The following ZKSCAN2 variants were observed in gnomAD, a reference collection of about 807,000 sequenced individuals.
ZKSCAN2 encodes zinc finger with KRAB and SCAN domains 2.
Under a neutral mutation model 90.5 loss-of-function variants are expected in ZKSCAN2, and 38 were observed. That is an observed-to-expected ratio of 0.42 (90% CI 0.32 to 0.55). The LOEUF (loss-of-function observed/expected upper bound fraction) is 0.55. Among genes scored for constraint, ZKSCAN2 ranks in the 20% least tolerant of loss-of-function variants. The pLI, the probability that ZKSCAN2 is intolerant of heterozygous loss-of-function variation, is 0.11. For missense variants in ZKSCAN2, 1,167 were observed against 1,202.6 expected, an observed-to-expected ratio of 0.97 and a Z score of 0.44; for synonymous variants, 429 against 421.6, an observed-to-expected ratio of 1.02 and a Z score of -0.22.
intron 1 of ZKSCAN2, among the ~76,000 whole-genome samples, chr16:25,256,474 A>C (rs1963103862): frequency 6.6e-6 from 1 of 152,168 alleles, no homozygotes; most frequent in Admixed American, 6.5e-5. Context: ...ATGACGATAA[A>C]TGCTTAGGTG....
In ZKSCAN2 at chr16:25,252,910, T is replaced by G. The variant is rs764342872; in HGVS notation, c.678+36A>C. Reference sequence around the variant, plus strand: ...TCCACCGTGGGTGACAGAGTGAGACTCCATCTCAAAGAAAAAAAAGACAAT... The same window carrying G: ...TCCACCGTGGGTGACAGAGTGAGACGCCATCTCAAAGAAAAAAAAGACAAT... On this transcript the variant is annotated intron_variant, in intron 3 of 6. Coordinates refer to ENST00000328086, the MANE Select transcript of ZKSCAN2 (RefSeq NM_001012981.5). 3.3e-6 allele frequency: 5 copies of G among 1,501,646 alleles called. No homozygotes were observed. In the Admixed American group the frequency reaches 8.4e-5, roughly 25 times the overall value. 93.0% of individuals were successfully genotyped at this position (1,501,646 alleles called of 1,614,324 possible).
chr16:25,244,468 G>C (rs1053726038), intron 5 of ZKSCAN2, among the ~76,000 whole-genome samples, 192 bp from the exon 6 acceptor site: 7 of 152,110 alleles, frequency 4.6e-5, no homozygotes, highest in Non-Finnish European at 7.4e-5. Context: ...CATAAAACTA[G>C]AAAAAATGAC....
intron 4 of ZKSCAN2, among the ~76,000 whole-genome samples, chr16:25,250,756 T>TAC (rs1410034525): frequency 6.6e-6 from 1 of 152,172 alleles, no homozygotes; most frequent in African/African-American, 2.4e-5. Flanking sequence ...TGCATATATA[T>TAC]ACATATATGT....
chr16:25,256,831 C>T lies in ZKSCAN2; in HGVS notation c.297G>A (p.Glu99=). 2 of 1,614,192 alleles carry T rather than the reference C, an allele frequency of 1.2e-6. No homozygotes were observed. The highest frequency in any genetic ancestry group is 1.7e-6 in the Non-Finnish European group (2 of 1,180,052). ...GCTTCTGTGCCCAAGCCTGAATCTT[C>T]TCGGGTAAAATGGTGAGAAACTGCT... is the stretch of plus-strand genomic sequence containing the variant. ...VIEQFLTILP[E]KIQAWAQKQC... is the part of the protein sequence containing the mutation. Residue 99 remains glutamate, a synonymous_variant, in exon 1 of 7, where the codon GAG becomes GAA. Coordinates refer to ENST00000328086, the MANE Select transcript of ZKSCAN2 (RefSeq NM_001012981.5).
rs193155132 is a variant in ZKSCAN2, at chr16:25,237,015, T to C, written c.*2801A>G. On this transcript the variant is annotated 3_prime_UTR_variant, in exon 7 of 7. Transcript: ENST00000328086. Reference sequence around the variant, plus strand: ...CAGAACAAAGAGAGAAAAAGCAGCTTAAGTTACAAAAATCACAGTGTTTGT... The same window carrying C: ...CAGAACAAAGAGAGAAAAAGCAGCTCAAGTTACAAAAATCACAGTGTTTGT... 55 of 152,618 alleles carry C rather than the reference T, an allele frequency of 3.6e-4. 1 individual carries two copies. The highest frequency in any genetic ancestry group is 1.3e-3 in the African/African-American group (54 of 41,488). 9.5% of individuals were successfully genotyped at this position (152,618 alleles called of 1,614,324 possible).
chr16:25,250,325 A>G (rs1406522749), intron 4 of ZKSCAN2, among the ~76,000 whole-genome samples: 5 of 152,062 alleles, frequency 3.3e-5, no homozygotes, highest in Non-Finnish European at 5.9e-5. Context: ...AAAGAAGGAA[A>G]TCCTGCCATT....
rs1165751876 is a variant in ZKSCAN2, at chr16:25,246,981, T to C, written c.1215A>G (p.Arg405=). ...CTAGCATGTGGCCATTTCTCACCTT[T>C]CGATAGCTTTTCTGGAGACTTTTGA... The part of the protein sequence containing the change: ...TKFKSLQKSY[R]KVRNGHMLEP... Residue 405 remains arginine, a synonymous_variant, in exon 5 of 7, where the codon CGA becomes CGG. Transcript: ENST00000328086. 1 of 1,614,068 alleles carries C rather than the reference T, an allele frequency of 6.2e-7. No individual in the cohort carries two copies.
At chr16:25,251,688 T>C (rs913641467) in intron 4 of ZKSCAN2, among the ~76,000 whole-genome samples, 3 of 152,230 alleles carry the variant, frequency 2.0e-5, no homozygotes, top group African/African-American at 7.2e-5. Context: ...GATAGTCATA[T>C]GTAACTCCTC....
At chr16:25,252,154 A>G in intron 3 of ZKSCAN2, 119 bp from the exon 4 acceptor site, 1 of 1,146,872 alleles carries the variant, frequency 8.7e-7, no homozygotes, top group Non-Finnish European at 1.2e-6. Flanking sequence ...ACAAGTGGAT[A>G]GTTTGCGCCA....
intron 4 of ZKSCAN2, among the ~76,000 whole-genome samples, chr16:25,250,684 T>C (rs1190810768): frequency 1.3e-5 from 2 of 152,200 alleles, no homozygotes; most frequent in African/African-American, 4.8e-5. Context: ...TATTTTACAA[T>C]GTATATGTAC....
At chr16:25,250,245 G>A (rs909389743) in intron 4 of ZKSCAN2, among the ~76,000 whole-genome samples, 4 of 152,088 alleles carry the variant, frequency 2.6e-5, no homozygotes, top group African/African-American at 9.7e-5. Flanking sequence ...GGAGGCAGAG[G>A]TTGCAGCGAG....
chr16:25,240,323 G>A lies in ZKSCAN2; in HGVS notation c.2397C>T (p.Gly799=), dbSNP rs76611383. The A allele has an allele frequency of 3.5e-4, 560 of 1,613,948 alleles. 3 individuals carry two copies. The East Asian group carries it at 8.6e-3, about 25-fold the overall frequency. ...SLIRHQRIHT[G]EKPFKCLDCG... is the part of the protein sequence containing the mutation. ...AGTCAAGACATTTAAAAGGTTTTTC[G>A]CCTGTGTGGATTCTTTGGTGTCTGA... The change falls in exon 7 of 7, where the codon GGC becomes GGT. Residue 799 remains glycine, a synonymous_variant. Transcript: ENST00000328086.
intron 1 of ZKSCAN2, among the ~76,000 whole-genome samples, chr16:25,256,393 G>A (rs544258207): frequency 7.3e-5 from 11 of 150,648 alleles, no homozygotes; most frequent in Middle Eastern, 3.4e-3. Flanking sequence ...ATCAAAATGC[G>A]TAAGTGAACC....
Position 25,257,415 on chromosome 16 carries a change from G to C in ZKSCAN2, c.-288C>G. The C allele has an allele frequency of 1.8e-6, 2 of 1,130,756 alleles. No individual in the cohort carries two copies. The allele number at this position is 1,130,756 out of a possible 1,614,324, so 70.0% of individuals were successfully genotyped here. ...CCCTCTTAGTGCAAAGTCGGAAACC[G>C]GGAGGCTGGACGACTGGGAGAAAAA... On this transcript the variant is annotated 5_prime_UTR_variant, in exon 1 of 7. Coordinates refer to ENST00000328086, the MANE Select transcript of ZKSCAN2 (RefSeq NM_001012981.5).
chr16:25,244,098 G>C lies in ZKSCAN2; in HGVS notation c.1668C>G (p.Ser556Arg). 3 of 1,614,174 alleles carry C rather than the reference G, an allele frequency of 1.9e-6. No homozygotes were observed. Among genetic ancestry groups the C allele is most frequent in the Non-Finnish European group, 2.5e-6 (3 of 1,180,038 alleles). The change falls in exon 6 of 7, where the codon AGC (serine) becomes AGG (arginine). Residue 556 changes from serine (S) to arginine (R), a missense_variant. Ser to Arg is a moderately radical substitution (Grantham distance 110). Transcript: ENST00000328086. The part of the protein sequence containing the change: ...TPEQCRTKFK[S>R]LQKSYRKVKN... ...TCACCTTGCGGTAACTCTTCTGAAG[G>C]CTTTTGAACTTGGTTCGGCACTGTT...
chr16:25,247,951 G>A (rs1031159056), intron 4 of ZKSCAN2, among the ~76,000 whole-genome samples: 1 of 152,142 alleles, frequency 6.6e-6, no homozygotes, highest in Non-Finnish European at 1.5e-5. Context: ...GTCCACACAT[G>A]TATAGCTAAA....
chr16:25,240,341 G>C lies in ZKSCAN2; in HGVS notation c.2379C>G (p.His793Gln). ...CFGRSRSLIR[H>Q]QRIHTGEKPF... ...GTTTTTCGCCTGTGTGGATTCTTTG[G>C]TGTCTGATCAGGCTCCTGCTTCTAC... The change falls in exon 7 of 7, where the codon CAC becomes CAG. Residue 793 changes from histidine (H) to glutamine (Q), a missense_variant. Coordinates refer to ENST00000328086, the MANE Select transcript of ZKSCAN2 (RefSeq NM_001012981.5). The C allele has an allele frequency of 1.2e-6, 2 of 1,614,002 alleles. No individual in the cohort carries two copies. The highest frequency in any genetic ancestry group is 8.5e-7 in the Non-Finnish European group (1 of 1,180,020).
chr16:25,254,908 C>G (rs569526987), intron 2 of ZKSCAN2, among the ~76,000 whole-genome samples: 1 of 151,868 alleles, frequency 6.6e-6, no homozygotes, highest in South Asian at 2.1e-4. Flanking sequence ...ATCCTCCTGA[C>G]TCAGCCTCCT....
chr16:25,245,248 G>A (rs1193701361), intron 5 of ZKSCAN2, among the ~76,000 whole-genome samples: 1 of 152,178 alleles, frequency 6.6e-6, no homozygotes, highest in East Asian at 1.9e-4. Context: ...GGGACTACAG[G>A]AGTGTGCCAC....
Sources: allele counts gnomAD v4.1 joint callset (sites outside exome capture counted in the v4.1 genomes callset), GRCh38; gene constraint gnomAD v4.1.1; transcripts MANE v1.5; gene names NCBI Gene and HGNC (gene_info 2026-07-23, HGNC 2026-07-21).